Variants in CLMN observed in about 807,000 individuals in gnomAD.
The protein encoded by CLMN is calmin (calponin-like, transmembrane).
A neutral mutation model predicts 92.7 loss-of-function variants in CLMN; 57 were observed. That is an observed-to-expected ratio of 0.61 (90% CI 0.50 to 0.77). The LOEUF (loss-of-function observed/expected upper bound fraction) is 0.77, where lower values mean the gene tolerates loss of function less well. CLMN is among the 30% of genes least tolerant of loss of function. The pLI, the probability that CLMN is intolerant of heterozygous loss-of-function variation, is 0.00. For synonymous variants in CLMN, 466 were observed against 470.6 expected (o/e 0.99, Z 0.13); for missense variants, 1,158 against 1,237.5 (o/e 0.94, Z 0.96).
chr14:95,198,421 C>T (rs970970229), intron 9 of CLMN, among the ~76,000 whole-genome samples: 1 of 151,796 alleles, frequency 6.6e-6, no homozygotes, highest in Admixed American at 6.6e-5. Flanking sequence ...TGCCAGGACC[C>T]AAGACTCCCA....
At chr14:95,215,937 C>T (rs1159770835) in intron 4 of CLMN, among the ~76,000 whole-genome samples, 2 of 152,054 alleles carry the variant, frequency 1.3e-5, no homozygotes, top group African/African-American at 2.4e-5. Context: ...TTAATTAACA[C>T]ATACACAGCA....
Position 95,223,755 on chromosome 14 carries a change from C to T in CLMN, c.240+5G>A, listed in dbSNP as rs752854852. On this transcript the variant is annotated splice_donor_5th_base_variant and intron_variant, in intron 3 of 12. Coordinates refer to ENST00000298912, the MANE Select transcript of CLMN (RefSeq NM_024734.4). ...TTCTTTCTGACCCTTCTGTAACATA[C>T]GTACCAGATTCCGCCCAGACAGGAC... 4.4e-6 allele frequency: 7 copies of T among 1,605,748 alleles called. No homozygotes were observed. The highest frequency in any genetic ancestry group is 1.3e-5 in the African/African-American group (1 of 74,758).
At chr14:95,286,999 G>A (rs771416588) in intron 1 of CLMN, among the ~76,000 whole-genome samples, 3 of 152,200 alleles carry the variant, frequency 2.0e-5, no homozygotes, top group Non-Finnish European at 2.9e-5. Context: ...GATGCCACAC[G>A]TGAGCTGCCT....
At position 95,209,613 on chromosome 14, in the gene CLMN, A is replaced by G. The variant is rs1179780139; in HGVS notation, c.803-136T>C. On this transcript the variant is annotated intron_variant, in intron 7 of 12. Transcript: ENST00000298912. ...CTTTATTTTCCACTTGAGGAACTTT[A>G]GGCTCAAAGGTGGTGAATCATTTAA... The G allele has an allele frequency of 2.0e-5, 14 of 695,670 alleles. No homozygotes were observed. The Admixed American group carries it at 3.1e-4, about 16-fold the overall frequency. 43.1% of individuals were successfully genotyped at this position (695,670 alleles called of 1,614,324 possible). A position where few individuals can be genotyped will look rare whatever the true frequency, so the allele number is the denominator to read the frequency against.
chr14:95,316,202 C>T (rs998581102), intron 1 of CLMN, among the ~76,000 whole-genome samples: 10 of 152,240 alleles, frequency 6.6e-5, no homozygotes, highest in Admixed American at 2.0e-4. Flanking sequence ...TCCCTGCCTT[C>T]CCACATGGCT....
intron 1 of CLMN, among the ~76,000 whole-genome samples, chr14:95,278,401 T>C (rs1289223421): frequency 6.6e-6 from 1 of 152,164 alleles, no homozygotes; most frequent in African/African-American, 2.4e-5. Flanking sequence ...GTGAACTGAG[T>C]CGTTTTTCTC....
Position 95,256,585 on chromosome 14 carries a change from G to A in CLMN, c.83-26452C>T, listed in dbSNP as rs1459900076. ...TTGCTGAGTGTGGCTCTGCACAACC[G>A]CCTCGTCAATACCCATCCCACGTGG... On this transcript the variant is annotated intron_variant, in intron 1 of 12. Transcript: ENST00000298912. This position sits in a 1 kb window ranked among gnomAD's most constrained non-coding sequence, Gnocchi z 4.9. Among the ~76,000 whole-genome samples, 1 of 152,156 alleles carries A rather than the reference G, an allele frequency of 6.6e-6. No homozygotes were observed. The highest frequency in any genetic ancestry group is 1.5e-5 in the Non-Finnish European group (1 of 68,026).
chr14:95,263,228 G>A lies in CLMN; in HGVS notation c.83-33095C>T, dbSNP rs115648350. Among the ~76,000 whole-genome samples, 961 of 152,264 alleles carry A rather than the reference G, an allele frequency of 6.3e-3. 12 individuals are homozygous for A. The highest frequency in any genetic ancestry group is 0.022 in the African/African-American group (922 of 41,530). On this transcript the variant is annotated intron_variant, in intron 1 of 12. Transcript: ENST00000298912. Reference sequence around the variant, plus strand: ...GGAGAAGCAAATACGTCCTCTTCACGTGGCAGCAGCAAGGAGAAGTGCCAA... The same window carrying A: ...GGAGAAGCAAATACGTCCTCTTCACATGGCAGCAGCAAGGAGAAGTGCCAA...
Position 95,190,775 on chromosome 14 carries a change from C to T in CLMN, c.*789G>A, listed in dbSNP as rs1566854233. 2 of 152,216 alleles carry T rather than the reference C, an allele frequency of 1.3e-5. No homozygotes were observed. Among genetic ancestry groups the T allele is most frequent in the African/African-American group, 4.8e-5 (2 of 41,438 alleles). 9.4% of individuals were successfully genotyped at this position (152,216 alleles called of 1,614,324 possible). A position where few individuals can be genotyped will look rare whatever the true frequency, so the allele number is the denominator to read the frequency against. On this transcript the variant is annotated 3_prime_UTR_variant, in exon 13 of 13. Coordinates refer to ENST00000298912, the MANE Select transcript of CLMN (RefSeq NM_024734.4). ...TGCTGGGAGCTGATTCCAGCCCAGC[C>T]ACTCCTCATGGCTTTTATATGGCCC... is the stretch of plus-strand genomic sequence containing the variant.
At chr14:95,220,189 T>TTTG in intron 4 of CLMN, among the ~76,000 whole-genome samples, 1 of 146,970 alleles carries the variant, frequency 6.8e-6, no homozygotes, top group Non-Finnish European at 1.5e-5. Context: ...TTTTTTTTTT[T>TTTG]TTTTTGAGAC....
rs1168782279 is a variant in CLMN at position 95,184,010 on chromosome 14, G to A, written c.*7554C>T. 2.0e-5 allele frequency: 3 copies of A among 152,218 alleles called. No individual in the cohort carries two copies. Among genetic ancestry groups the A allele is most frequent in the Non-Finnish European group, 4.4e-5 (3 of 68,046 alleles). The allele number at this position is 152,218 out of a possible 1,614,324, so 9.4% of individuals were successfully genotyped here. ...AGAAAAAAGTAATGGATTGGAGAGA[G>A]GTTGGAAGAAGCTATGGTACACTAA... is the stretch of plus-strand genomic sequence containing the variant. On this transcript the variant is annotated 3_prime_UTR_variant, in exon 13 of 13. Coordinates refer to ENST00000298912, the MANE Select transcript of CLMN (RefSeq NM_024734.4).
In CLMN at chr14:95,196,595, CAT is replaced by C. The variant is rs747888527; in HGVS notation, c.2609_2610del (p.His870ArgfsTer20). 112 of 1,614,098 alleles carry C rather than the reference CAT, an allele frequency of 6.9e-5. No homozygotes were observed. The highest frequency in any genetic ancestry group is 3.3e-4 in the Middle Eastern group (2 of 6,084). On this transcript the variant is annotated frameshift_variant, in exon 10 of 13. Coordinates refer to ENST00000298912, the MANE Select transcript of CLMN (RefSeq NM_024734.4). LOFTEE classifies it high-confidence loss of function. ...ISSKKKEKRK[H>X]VDHVESSLFV... ...AATAGTGAACTTTCTACGTGGTCCA[CAT>C]GTTTCCTTTTTTCCTTTTTTTTACT... is the stretch of plus-strand genomic sequence containing the variant.
intron 1 of CLMN, among the ~76,000 whole-genome samples, chr14:95,302,316 A>G (rs1263710024): frequency 6.6e-6 from 1 of 152,034 alleles, no homozygotes; most frequent in African/African-American, 2.4e-5. Context: ...TAAAAAAATT[A>G]AAACAAAAAA....
intron 4 of CLMN, among the ~76,000 whole-genome samples, chr14:95,218,409 G>A (rs78408056): frequency 0.069 from 10,569 of 152,264 alleles, 448 homozygotes; most frequent in South Asian, 0.14. Context: ...TGTGCTCTGT[G>A]ACGTGTGGTT....
chr14:95,196,810 C>T (rs1438476601), intron 9 of CLMN, 116 bp from the exon 10 acceptor site: 3 of 938,216 alleles, frequency 3.2e-6, no homozygotes, highest in Non-Finnish European at 4.8e-6. Flanking sequence ...CCAATTCTGC[C>T]TGTTCCCTGA....
chr14:95,214,604 G>T (rs1479832464), intron 5 of CLMN, among the ~76,000 whole-genome samples: 2 of 152,014 alleles, frequency 1.3e-5, no homozygotes, highest in African/African-American at 4.8e-5. Context: ...CTGCCGCCAT[G>T]GCCTCCCAAA....
At chr14:95,277,036 GA>G (rs1899958987) in intron 1 of CLMN, among the ~76,000 whole-genome samples, 1 of 152,024 alleles carries the variant, frequency 6.6e-6, no homozygotes, top group South Asian at 2.1e-4. Flanking sequence ...GGGGAACCCA[GA>G]AACCTGGCAC....
In CLMN at chr14:95,319,843, G is replaced by GAGAGCCTGGCTGGCGGGCGCGC. The variant is rs1901972922; in HGVS notation, c.-73_-52dup. On this transcript the variant is annotated 5_prime_UTR_variant, in exon 1 of 13. Transcript: ENST00000298912. ...CAGCGCGGCGCGGGCGGCGGGCGCG[G>GAGAGCCTGGCTGGCGGGCGCGC]AGAGCCTGGCTGGCGGGCGCGCGAG... 2.6e-6 allele frequency: 3 copies of GAGAGCCTGGCTGGCGGGCGCGC among 1,151,228 alleles called. No individual in the cohort carries two copies. Among genetic ancestry groups the GAGAGCCTGGCTGGCGGGCGCGC allele is most frequent in the Admixed American group, 4.3e-5 (1 of 23,090 alleles). 71.3% of individuals were successfully genotyped at this position (1,151,228 alleles called of 1,614,324 possible).
intron 1 of CLMN, among the ~76,000 whole-genome samples, chr14:95,249,604 T>G (rs1287622572): frequency 2.6e-5 from 4 of 152,082 alleles, no homozygotes; most frequent in Non-Finnish European, 5.9e-5. Context: ...TTTTTCTTTT[T>G]TTTTTGAGAT....
Sources: gnomAD v4.1 joint callset for allele counts (sites outside exome capture counted in the v4.1 genomes callset) on GRCh38, gnomAD v4.1.1 for gene constraint, Gnocchi (gnomAD v3.1) non-coding constraint, MANE v1.5 for transcripts, NCBI Gene and HGNC (gene_info 2026-07-23, HGNC 2026-07-21) for gene names.